RELL1: variants seen among roughly 807,000 people sequenced by gnomAD.
RELL1 encodes the protein RELT-like protein 1.
In RELL1, 10 loss-of-function variants were observed where a neutral mutation model predicts 23.0. The observed-to-expected ratio is 0.43, with a 90% confidence interval of 0.27 to 0.74. The LOEUF (loss-of-function observed/expected upper bound fraction) is 0.74, where lower values mean the gene tolerates loss of function less well. RELL1 is among the 30% of genes least tolerant of loss of function. RELL1 has a pLI of 0.19. For synonymous variants in RELL1, 146 were observed against 146.8 expected (o/e 0.99, Z 0.04); for missense variants, 315 against 364.4 (o/e 0.86, Z 1.10).
intron 6 of RELL1, among the ~76,000 whole-genome samples, chr4:37,597,510 G>C (rs1358504966): frequency 6.6e-6 from 1 of 152,138 alleles, no homozygotes; most frequent in Non-Finnish European, 1.5e-5. Context: ...TATTCCTAAA[G>C]CTATGGAGAA....
intron 1 of RELL1, among the ~76,000 whole-genome samples, chr4:37,660,007 G>A (rs1721267616): frequency 6.6e-6 from 1 of 152,104 alleles, no homozygotes; most frequent in East Asian, 1.9e-4. Flanking sequence ...AAAGGAACTT[G>A]GCTGATAAGT....
chr4:37,600,396 T>C (rs1718984742), intron 6 of RELL1, among the ~76,000 whole-genome samples: 1 of 152,202 alleles, frequency 6.6e-6, no homozygotes. Flanking sequence ...CCACCAAAGC[T>C]GTATGAATCA....
At chr4:37,597,006 C>T (rs1577553195) in intron 6 of RELL1, among the ~76,000 whole-genome samples, 1 of 151,828 alleles carries the variant, frequency 6.6e-6, no homozygotes, top group African/African-American at 2.4e-5. Flanking sequence ...CCTTGACCTC[C>T]CAAAGTGCTG....
In RELL1 at chr4:37,631,460, A is replaced by G; in HGVS notation, c.744T>C (p.Val248=). 1 of 1,614,070 alleles carries G rather than the reference A, an allele frequency of 6.2e-7. No individual in the cohort carries two copies. The highest frequency in any genetic ancestry group is 8.5e-7 in the Non-Finnish European group (1 of 1,179,990). ...NQKERRSLMS[V]SGAETVNGEV... ...CCCCATTGACGGTTTCAGCCCCACTAACAGACATCAGGCTTCTCCGTTCCT... is the reference window on the plus strand; with the variant it reads ...CCCCATTGACGGTTTCAGCCCCACTGACAGACATCAGGCTTCTCCGTTCCT... The change falls in exon 6 of 7, where the codon GTT becomes GTC. Residue 248 remains valine (V), a synonymous_variant. Transcript: ENST00000454158.
chr4:37,668,361 C>T (rs928279585), intron 1 of RELL1, among the ~76,000 whole-genome samples: 3 of 152,316 alleles, frequency 2.0e-5, no homozygotes, highest in African/African-American at 7.2e-5. Context: ...GATTGTAGGC[C>T]CGCGCCGCCA....
intron 6 of RELL1, among the ~76,000 whole-genome samples, chr4:37,601,724 C>T (rs1329353698): frequency 6.6e-6 from 1 of 152,252 alleles, no homozygotes; most frequent in African/African-American, 2.4e-5. Flanking sequence ...CAGAGCTTCA[C>T]TTTCCATGTG....
downstream of RELL1, among the ~76,000 whole-genome samples, chr4:37,607,489 C>A (rs1719257473): frequency 6.6e-6 from 1 of 151,468 alleles, no homozygotes. Context: ...GTAGGGTTTT[C>A]TTGTTTGTTT....
At chr4:37,617,000 A>C (rs929626753) in intron 6 of RELL1, among the ~76,000 whole-genome samples, 7 of 152,342 alleles carry the variant, frequency 4.6e-5, no homozygotes, top group Admixed American at 2.6e-4. Flanking sequence ...TCTGGTCTAA[A>C]TTGTGTGTTA....
intron 3 of RELL1, 119 bp downstream of exon 3, chr4:37,647,249 G>T (rs749502735): frequency 3.9e-5 from 25 of 643,208 alleles, no homozygotes; most frequent in African/African-American, 7.3e-5. Context: ...GGAAGCTGAG[G>T]TGTTAGAAAG....
chr4:37,619,469 C>T (rs1346714403), intron 6 of RELL1, among the ~76,000 whole-genome samples: 1 of 152,236 alleles, frequency 6.6e-6, no homozygotes, highest in Non-Finnish European at 1.5e-5. Flanking sequence ...GCGTGAGCCA[C>T]CGCACCCAGC....
intron 1 of RELL1, among the ~76,000 whole-genome samples, chr4:37,678,890 A>T (rs1263493254): frequency 1.3e-5 from 2 of 152,196 alleles, no homozygotes; most frequent in African/African-American, 2.4e-5. Flanking sequence ...TATCCACAAG[A>T]GTGCACAAAC....
At chr4:37,606,929 G>A (rs1246698026), downstream of RELL1, among the ~76,000 whole-genome samples, 2 of 152,190 alleles carry the variant, frequency 1.3e-5, no homozygotes, top group Non-Finnish European at 2.9e-5. This position sits in a 1 kb window ranked among gnomAD's most constrained non-coding sequence, Gnocchi z 4.1. Flanking sequence ...ACACCACCTT[G>A]GGCAATGATG....
chr4:37,611,730 T>TA lies in RELL1; in HGVS notation c.*1615dup, dbSNP rs546021972. On this transcript the variant is annotated 3_prime_UTR_variant, in exon 7 of 7. Transcript: ENST00000454158. ...AGGTGTTTTGTAAAATGTACAGTTA[T>TA]AAAAAAAAAAAAGAAAAAGAAAAGT... 5.8e-3 allele frequency among the ~76,000 whole-genome samples: 756 copies of TA among 130,638 alleles called. 1 individual carries two copies. The highest frequency in any genetic ancestry group is 0.012 in the East Asian group (53 of 4,602). 85.7% of individuals were successfully genotyped at this position (130,638 alleles called of 152,430 possible).
chr4:37,612,198 AAAAGAG>A lies in RELL1; in HGVS notation c.*1142_*1147del, dbSNP rs1304078667. Among the ~76,000 whole-genome samples, 3 of 149,348 alleles carry A rather than the reference AAAAGAG, an allele frequency of 2.0e-5. No homozygotes were observed. Among genetic ancestry groups the A allele is most frequent in the African/African-American group, 4.9e-5 (2 of 40,520 alleles). On this transcript the variant is annotated 3_prime_UTR_variant, in exon 7 of 7. Coordinates refer to ENST00000454158, the MANE Select transcript of RELL1 (RefSeq NM_001085400.2). ...CCTCAAAAAAAAAAAAAAAAAAAAAAAAAGAGAGAAGCAGGGTTCTTTTGTTTTGGC... is the reference window on the plus strand; with the variant it reads ...CCTCAAAAAAAAAAAAAAAAAAAAAAAGAAGCAGGGTTCTTTTGTTTTGGC...
intron 4 of RELL1, among the ~76,000 whole-genome samples, chr4:37,636,427 C>T (rs1720331292): frequency 6.6e-6 from 1 of 152,006 alleles, no homozygotes. Context: ...AACCCCATCT[C>T]TACTAAAAAT....
At chr4:37,604,860 C>G (rs1398277695) in intron 6 of RELL1, among the ~76,000 whole-genome samples, 5 of 130,992 alleles carry the variant, frequency 3.8e-5, no homozygotes, top group African/African-American at 1.3e-4. Context: ...CAGACACACA[C>G]ACACAGACAC....
At chr4:37,622,798 GCTT>G (rs1719811413) in intron 6 of RELL1, 29 of 418,262 alleles carry the variant, frequency 6.9e-5, no homozygotes, top group Admixed American at 1.3e-4. Flanking sequence ...CTCAAGTAAT[GCTT>G]TTTTTTTTTT....
intron 1 of RELL1, among the ~76,000 whole-genome samples, chr4:37,666,486 G>T (rs967571094): frequency 6.6e-6 from 1 of 152,130 alleles, no homozygotes; most frequent in African/African-American, 2.4e-5. Context: ...AGATTACTAG[G>T]GTTTATCCAA....
intron 6 of RELL1, among the ~76,000 whole-genome samples, chr4:37,604,902 C>T (rs1237356051): frequency 4.4e-5 from 2 of 45,838 alleles, no homozygotes; most frequent in Admixed American, 2.5e-4. Flanking sequence ...CACACACAGA[C>T]ACACACACAC....
Sources: gnomAD v4.1 joint callset for allele counts (sites outside exome capture counted in the v4.1 genomes callset) on GRCh38, gnomAD v4.1.1 for gene constraint, Gnocchi (gnomAD v3.1) non-coding constraint, MANE v1.5 for transcripts, NCBI Gene and HGNC (gene_info 2026-07-23, HGNC 2026-07-21) for gene names.